EPB41L3: variants seen among roughly 807,000 people sequenced by gnomAD.
The protein encoded by EPB41L3 is erythrocyte membrane protein band 4.1 like 3.
Under a neutral mutation model 127.1 loss-of-function variants are expected in EPB41L3, and 57 were observed. The observed-to-expected ratio is 0.45, with a 90% CI of 0.36 to 0.56. The LOEUF is 0.56. Among genes scored for constraint, EPB41L3 ranks in the 20% least tolerant of loss-of-function variants. The pLI, the probability that EPB41L3 is intolerant of heterozygous loss-of-function variation, is 0.00. For synonymous variants in EPB41L3, 572 were observed against 549.5 expected, an observed-to-expected ratio of 1.04 and a Z score of -0.57; for missense variants, 1,273 against 1,372.2, an observed-to-expected ratio of 0.93 and a Z score of 1.14.
intron 1 of EPB41L3, among the ~76,000 whole-genome samples, chr18:5,531,658 G>A (rs1015552582): frequency 6.7e-6 from 1 of 149,680 alleles, no homozygotes; most frequent in African/African-American, 2.5e-5. Flanking sequence ...GGGAGGTGGA[G>A]GTAGAGGTTG....
At chr18:5,519,070 C>T (rs1359088121) in intron 1 of EPB41L3, among the ~76,000 whole-genome samples, 1 of 152,152 alleles carries the variant, frequency 6.6e-6, no homozygotes, top group Non-Finnish European at 1.5e-5. Context: ...AATTACAGGA[C>T]TGATAAGACA....
At chr18:5,420,034 C>T (rs1275838164) in intron 11 of EPB41L3, 157 bp from the exon 12 acceptor site, 2 of 1,447,638 alleles carry the variant, frequency 1.4e-6, no homozygotes, top group East Asian at 2.4e-5. Context: ...AATACCAACA[C>T]AAAATACCAG....
intron 3 of EPB41L3, among the ~76,000 whole-genome samples, chr18:5,446,693 A>G (rs2081526646): frequency 6.6e-6 from 1 of 152,224 alleles, no homozygotes; most frequent in Non-Finnish European, 1.5e-5. Flanking sequence ...TATTTAGGAG[A>G]AAAGGCAAAT....
chr18:5,405,117 A>G (rs182242852), intron 16 of EPB41L3, among the ~76,000 whole-genome samples: 2 of 152,354 alleles, frequency 1.3e-5, no homozygotes, highest in East Asian at 1.9e-4. Context: ...TGGGATTGTC[A>G]TGAACATAGT....
chr18:5,516,505 A>G (rs1423694336), intron 1 of EPB41L3, among the ~76,000 whole-genome samples: 1 of 152,182 alleles, frequency 6.6e-6, no homozygotes, highest in African/African-American at 2.4e-5. Flanking sequence ...CTTTAAAACC[A>G]TCTTTAATGG....
chr18:5,589,348 G>C (rs1231628897), intron 3 of EPB41L3, among the ~76,000 whole-genome samples: 1 of 133,624 alleles, frequency 7.5e-6, no homozygotes, highest in Admixed American at 8.5e-5. Context: ...TCTTGTAAAA[G>C]ATGATTAAGG....
At chr18:5,505,887 C>T (rs1448946170) in intron 1 of EPB41L3, among the ~76,000 whole-genome samples, 1 of 150,296 alleles carries the variant, frequency 6.7e-6, no homozygotes, top group Non-Finnish European at 1.5e-5. Flanking sequence ...TCACCTCCAC[C>T]CCTACCCTCC....
At chr18:5,472,751 T>C (rs918024368) in intron 3 of EPB41L3, among the ~76,000 whole-genome samples, 1 of 152,204 alleles carries the variant, frequency 6.6e-6, no homozygotes, top group African/African-American at 2.4e-5. Flanking sequence ...GGCTACGATG[T>C]TGAATCTCAA....
intron 1 of EPB41L3, among the ~76,000 whole-genome samples, chr18:5,518,848 A>G (rs1169768385): frequency 1.3e-5 from 2 of 152,170 alleles, no homozygotes; most frequent in Admixed American, 1.3e-4. Flanking sequence ...TTTTACATGG[A>G]CAAGTATTTG....
At chr18:5,586,543 A>G (rs1719935) in intron 3 of EPB41L3, among the ~76,000 whole-genome samples, 58,322 of 148,612 alleles carry the variant, frequency 0.39, 12,132 homozygotes, top group Non-Finnish European at 0.47. Flanking sequence ...GGGACCACAG[A>G]TGTGCACCAC....
At chr18:5,539,409 T>C (rs1363264579) in intron 1 of EPB41L3, among the ~76,000 whole-genome samples, 1 of 152,222 alleles carries the variant, frequency 6.6e-6, no homozygotes, top group Non-Finnish European at 1.5e-5. Context: ...AATTCCAAAG[T>C]ATGCAATTTA....
At chr18:5,454,055 C>G (rs1485152105) in intron 3 of EPB41L3, among the ~76,000 whole-genome samples, 1 of 152,168 alleles carries the variant, frequency 6.6e-6, no homozygotes, top group Middle Eastern at 3.2e-3. Context: ...GGCAAACTCT[C>G]TGGGCCACAG....
intron 13 of EPB41L3, among the ~76,000 whole-genome samples, chr18:5,411,393 CAGAGAA>C (rs2076176202): frequency 6.6e-6 from 1 of 151,984 alleles, no homozygotes; most frequent in Admixed American, 6.6e-5. Context: ...AAACAATAGA[CAGAGAA>C]AGAGAAAGAG....
rs1474937196 is a variant in EPB41L3 at position 5,447,748 on chromosome 18, T to G, written c.382-2504A>C. Among the ~76,000 whole-genome samples, 3 of 152,154 alleles carry G rather than the reference T, an allele frequency of 2.0e-5. No homozygotes were observed. The East Asian group carries it at 5.8e-4, about 29-fold the overall frequency. On this transcript the variant is annotated intron_variant, in intron 3 of 22. Coordinates refer to ENST00000341928, the MANE Select transcript of EPB41L3 (RefSeq NM_012307.5). ...TCCTTTGCCTAACAAGAGGCATGGG[T>G]TAGCTCAAACACAGACTGTTAATGC... is the stretch of plus-strand genomic sequence containing the variant.
At chr18:5,472,750 G>A (rs2086399964) in intron 3 of EPB41L3, among the ~76,000 whole-genome samples, 1 of 152,170 alleles carries the variant, frequency 6.6e-6, no homozygotes, top group Admixed American at 6.5e-5. Context: ...AGGCTACGAT[G>A]TTGAATCTCA....
upstream of EPB41L3, chr18:5,544,119 G>A: frequency 1.0e-6 from 1 of 985,492 alleles, no homozygotes; most frequent in Non-Finnish European, 1.2e-6. Flanking sequence ...ACCGTGCGAG[G>A]AAAGCCAACC....
intron 16 of EPB41L3, 118 bp from the exon 17 acceptor site, chr18:5,398,261 CGAA>C (rs1323543100): frequency 6.9e-6 from 8 of 1,157,162 alleles, no homozygotes; most frequent in Non-Finnish European, 9.7e-6. Flanking sequence ...GGAGGAAGAA[CGAA>C]GGAATCTCAG....
intron 3 of EPB41L3, among the ~76,000 whole-genome samples, chr18:5,579,063 T>A (rs2094365192): frequency 2.0e-5 from 3 of 152,204 alleles, no homozygotes; most frequent in Admixed American, 2.0e-4. Flanking sequence ...CACACTGGAA[T>A]ATTAAACAAT....
intron 9 of EPB41L3, among the ~76,000 whole-genome samples, chr18:5,425,146 A>G (rs904728072): frequency 5.9e-5 from 9 of 152,216 alleles, no homozygotes; most frequent in Admixed American, 1.3e-4. Flanking sequence ...AGGCTTCCCC[A>G]AAGAGCACAC....
Sources: gnomAD v4.1 joint callset for allele counts (sites outside exome capture counted in the v4.1 genomes callset) on GRCh38, gnomAD v4.1.1 for gene constraint, MANE v1.5 for transcripts, NCBI Gene and HGNC (gene_info 2026-07-23, HGNC 2026-07-21) for gene names.